Variants in LIMCH1 observed in about 807,000 individuals in gnomAD.
The protein encoded by LIMCH1 is LIM and calponin homology domains-containing protein 1.
A neutral mutation model predicts 176.5 loss-of-function variants in LIMCH1; 113 were observed. The ratio of observed to expected loss-of-function variants is 0.64; its 90% CI spans 0.55 to 0.75. The LOEUF is 0.75. LIMCH1 is among the 30% of genes least tolerant of loss of function. LIMCH1 has a pLI of 0.00. For missense variants in LIMCH1, 1,674 were observed against 1,814.9 expected (o/e 0.92, Z 1.41); for synonymous variants, 619 against 645.9 (o/e 0.96, Z 0.63).
chr4:41,547,863 G>GTATATATATA (rs573342962), intron 1 of LIMCH1, among the ~76,000 whole-genome samples: 1,798 of 93,094 alleles, frequency 0.019, 31 homozygotes, highest in Middle Eastern at 0.027. Flanking sequence ...TTGTGTGTGT[G>GTATATATATA]TATATATATA....
At position 41,472,424 on chromosome 4, in the gene LIMCH1, CT is replaced by C. The variant is rs536046574; in HGVS notation, c.97-22107del. 2.3e-3 allele frequency among the ~76,000 whole-genome samples: 330 copies of C among 146,264 alleles called. 3 individuals are homozygous for C. The highest frequency in any genetic ancestry group is 7.1e-3 in the African/African-American group (283 of 39,818). ...CTCTCTCTTTCCTTCCTACTTTCTT[CT>C]TTTTCTTTCTTTCTGACAGGGTCTC... On this transcript the variant is annotated intron_variant, in intron 1 of 26. Transcript: ENST00000313860.
At chr4:41,577,824 C>T (rs1041551216) in intron 1 of LIMCH1, among the ~76,000 whole-genome samples, 6 of 152,168 alleles carry the variant, frequency 3.9e-5, no homozygotes, top group African/African-American at 1.4e-4. Flanking sequence ...CTAACATAAG[C>T]ATATACCAAC....
At chr4:41,374,307 T>C (rs1391777768) in intron 1 of LIMCH1, among the ~76,000 whole-genome samples, 1 of 151,968 alleles carries the variant, frequency 6.6e-6, no homozygotes, top group African/African-American at 2.4e-5. Flanking sequence ...AAATAAGTCC[T>C]CTCACCTTGA....
intron 1 of LIMCH1, among the ~76,000 whole-genome samples, chr4:41,370,483 C>T (rs77925647): frequency 0.023 from 3,454 of 152,108 alleles, 131 homozygotes; most frequent in African/African-American, 0.079. Context: ...AATGGGAGCA[C>T]TGAGAAATAG....
chr4:41,637,177 C>CTTTTCA (rs1364758227), intron 13 of LIMCH1, among the ~76,000 whole-genome samples: 2 of 152,018 alleles, frequency 1.3e-5, no homozygotes, highest in African/African-American at 4.8e-5. Context: ...CCTTGCACTC[C>CTTTTCA]TTTTCCTTTT....
rs544287240 is a variant in LIMCH1, at chr4:41,608,485, G to GT, written c.9+2489dup. On this transcript the variant is annotated intron_variant, in intron 4 of 31. Transcript: ENST00000503057. Reference sequence around the variant, plus strand: ...GCAGGCTGAAATAAATTTGAAATTAGTTTTTTTTCTTTCACAAAGGAGATT... The same window carrying GT: ...GCAGGCTGAAATAAATTTGAAATTAGTTTTTTTTTCTTTCACAAAGGAGATT... Among the ~76,000 whole-genome samples the GT allele has an allele frequency of 2.7e-4, 41 of 152,092 alleles. No individual in the cohort carries two copies. The East Asian group carries it at 7.3e-3, about 27-fold the overall frequency.
At chr4:41,660,769 A>G (rs1450814049) in intron 18 of LIMCH1, among the ~76,000 whole-genome samples, 4 of 152,338 alleles carry the variant, frequency 2.6e-5, no homozygotes, top group East Asian at 1.9e-4. Context: ...AATCCATGGG[A>G]ATAATTGATA....
intron 1 of LIMCH1, among the ~76,000 whole-genome samples, chr4:41,595,414 AT>A (rs1178997153): frequency 7.2e-5 from 11 of 152,092 alleles, no homozygotes; most frequent in Non-Finnish European, 1.3e-4. Context: ...GGGAAACTTT[AT>A]TTTATTTTTT....
At chr4:41,592,747 G>A (rs1214812669) in intron 1 of LIMCH1, among the ~76,000 whole-genome samples, 1 of 152,186 alleles carries the variant, frequency 6.6e-6, no homozygotes, top group East Asian at 1.9e-4. Flanking sequence ...GATCAGAAAG[G>A]TTAGGAACTA....
chr4:41,619,085 C>A, intron 5 of LIMCH1, 103 bp from the exon 6 acceptor site: 1 of 1,305,692 alleles, frequency 7.7e-7, no homozygotes, highest in Non-Finnish European at 1.1e-6. Flanking sequence ...AAGAAGGAAT[C>A]CTCAGAACCC....
At chr4:41,456,604 A>T (rs2064638110) in intron 1 of LIMCH1, among the ~76,000 whole-genome samples, 1 of 151,910 alleles carries the variant, frequency 6.6e-6, no homozygotes, top group Non-Finnish European at 1.5e-5. Context: ...CTTTATAACA[A>T]ACCATCTGCT....
chr4:41,689,792 A>G (rs1723945659), intron 30 of LIMCH1, 157 bp downstream of exon 30: 9 of 539,854 alleles, frequency 1.7e-5, no homozygotes, highest in Non-Finnish European at 2.7e-5. Flanking sequence ...AAACTCACCT[A>G]TCACGAATCC....
At chr4:41,644,457 C>T in intron 14 of LIMCH1, 43 bp from the exon 15 acceptor site, 1 of 1,446,934 alleles carries the variant, frequency 6.9e-7, no homozygotes, top group Non-Finnish European at 9.1e-7. Context: ...ACGCGACGGG[C>T]GCTGATCGCG....
At chr4:41,676,312 C>A in intron 22 of LIMCH1, 70 bp from the exon 23 acceptor site, 1 of 1,253,790 alleles carries the variant, frequency 8.0e-7, no homozygotes, top group Non-Finnish European at 1.1e-6. Flanking sequence ...GGCCAATTGT[C>A]TACTCTTCAC....
chr4:41,686,591 C>A (rs989648903), intron 28 of LIMCH1, among the ~76,000 whole-genome samples: 9 of 152,170 alleles, frequency 5.9e-5, no homozygotes, highest in African/African-American at 2.2e-4. Context: ...GCCAGACTAC[C>A]TCCATTCAGA....
intron 24 of LIMCH1, 58 bp from the exon 25 acceptor site, chr4:41,680,897 C>CTT (rs1715153432): frequency 1.0e-6 from 1 of 969,894 alleles, no homozygotes; most frequent in South Asian, 1.5e-5. Context: ...ACATTTTTGT[C>CTT]TTGACAAATA....
At chr4:41,635,776 TAG>T (rs2093557015) in intron 13 of LIMCH1, among the ~76,000 whole-genome samples, 1 of 152,240 alleles carries the variant, frequency 6.6e-6, no homozygotes, top group African/African-American at 2.4e-5. Context: ...AAGCTAACGC[TAG>T]TTCATGATAT....
At chr4:41,627,127 T>C in intron 8 of LIMCH1, 117 bp downstream of exon 8, 1 of 1,320,146 alleles carries the variant, frequency 7.6e-7, no homozygotes, top group Non-Finnish European at 1.0e-6. Context: ...CCAGTTCCTC[T>C]TTCCAGCCTC....
chr4:41,402,111 A>G (rs1561253124), intron 1 of LIMCH1, among the ~76,000 whole-genome samples: 1 of 152,204 alleles, frequency 6.6e-6, no homozygotes, highest in Non-Finnish European at 1.5e-5. Flanking sequence ...GTCTTGTGCC[A>G]GTTTTCACAA....
Sources: allele counts gnomAD v4.1 joint callset (sites outside exome capture counted in the v4.1 genomes callset), GRCh38; gene constraint gnomAD v4.1.1; transcripts MANE v1.5; gene names NCBI Gene and HGNC (gene_info 2026-07-23, HGNC 2026-07-21).